SPEF2: variants seen among roughly 807,000 people sequenced by gnomAD.
SPEF2 encodes sperm flagella and cilia-associated protein 2.
In SPEF2, 187 loss-of-function variants were observed where a neutral mutation model predicts 224.6. The ratio of observed to expected loss-of-function variants is 0.83; its 90% CI spans 0.74 to 0.94. SPEF2 has a LOEUF of 0.94. Ranked by LOEUF, SPEF2 falls within the 40% of genes least tolerant of loss-of-function variation. The pLI is 0.00. For synonymous variants in SPEF2, 715 were observed against 707.3 expected (o/e 1.01, Z -0.17); for missense variants, 2,170 against 2,135.6 (o/e 1.02, Z -0.32).
Position 35,800,120 on chromosome 5 carries a change from C to A in SPEF2, c.4983C>A (p.Val1661=). The change falls in exon 34 of 37, where the codon GTC becomes GTA. Residue 1661 remains valine (V), a synonymous_variant. Transcript: ENST00000356031. The part of the protein sequence containing the change: ...VAVGTHVFQQ[V]KASIPSAEKT... ...TTGGAACTCATGTCTTCCAACAAGT[C>A]AAAGCTTCCATTCCAAGTGCAGAAA... 6.2e-7 allele frequency: 1 copy of A among 1,614,036 alleles called. No individual in the cohort carries two copies. Among genetic ancestry groups the A allele is most frequent in the South Asian group, 1.1e-5 (1 of 91,058 alleles).
chr5:35,716,754 A>G (rs1742656679), intron 20 of SPEF2, among the ~76,000 whole-genome samples: 1 of 152,172 alleles, frequency 6.6e-6, no homozygotes, highest in Non-Finnish European at 1.5e-5. Context: ...TTAATATTTC[A>G]AATTAACTCC....
chr5:35,695,434 G>A lies in SPEF2; in HGVS notation c.1976-301G>A, dbSNP rs115545687. 9.0e-3 allele frequency among the ~76,000 whole-genome samples: 1,371 copies of A among 151,928 alleles called. 17 individuals carry two copies. The highest frequency in any genetic ancestry group is 0.032 in the African/African-American group (1,328 of 41,440). On this transcript the variant is annotated intron_variant, in intron 13 of 36. Coordinates refer to ENST00000356031, the MANE Select transcript of SPEF2 (RefSeq NM_024867.4). ...GACCGTCTTCTGAAAAGCGAACCCC[G>A]ACTGTGTTAAAGTATTCCTAATGAT...
chr5:35,726,524 T>A (rs1251686734), intron 20 of SPEF2, among the ~76,000 whole-genome samples: 2 of 152,194 alleles, frequency 1.3e-5, no homozygotes, highest in Non-Finnish European at 2.9e-5. Flanking sequence ...ATACTGTTTT[T>A]AAATATATAA....
chr5:35,775,945 A>C (rs1753560919), intron 28 of SPEF2, among the ~76,000 whole-genome samples: 1 of 152,032 alleles, frequency 6.6e-6, no homozygotes, highest in Non-Finnish European at 1.5e-5. Flanking sequence ...CACGGTCCCC[A>C]CTCCCTTTTC....
In SPEF2 at chr5:35,617,953, C is replaced by G. The variant is rs865936786; in HGVS notation, c.-45C>G. 1 of 1,550,090 alleles carries G rather than the reference C, an allele frequency of 6.5e-7. No individual in the cohort carries two copies. The highest frequency in any genetic ancestry group is 1.7e-4 in the Middle Eastern group (1 of 5,986). On this transcript the variant is annotated 5_prime_UTR_variant, in exon 1 of 37. Coordinates refer to ENST00000356031, the MANE Select transcript of SPEF2 (RefSeq NM_024867.4). The stretch of plus-strand genomic sequence containing the variant: ...GCGGGCTGGCAGGCTTGGTTCCTGG[C>G]GAGTTTCTAAGCCCCCGCCTGCGGT...
intron 10 of SPEF2, chr5:35,670,703 A>G (rs930016695): frequency 5.1e-6 from 5 of 985,658 alleles, no homozygotes; most frequent in East Asian, 2.2e-4. Context: ...AATAAAAAGT[A>G]TCGGGTGCCA....
intron 7 of SPEF2, among the ~76,000 whole-genome samples, chr5:35,657,878 G>A (rs1412856328): frequency 6.6e-6 from 1 of 152,154 alleles, no homozygotes; most frequent in African/African-American, 2.4e-5. Context: ...TTGAACGCCA[G>A]GCCCTTCCCT....
intron 30 of SPEF2, among the ~76,000 whole-genome samples, chr5:35,780,969 A>T (rs760854564): frequency 3.0e-4 from 45 of 152,082 alleles, no homozygotes; most frequent in South Asian, 4.1e-4. Flanking sequence ...TTCCACTAAA[A>T]ATTTAAAAAT....
chr5:35,678,994 C>A (rs867472601), intron 10 of SPEF2, among the ~76,000 whole-genome samples: 1 of 152,138 alleles, frequency 6.6e-6, no homozygotes, highest in Non-Finnish European at 1.5e-5. Context: ...TTCCAGACTT[C>A]GTCAGGGTTT....
At chr5:35,778,482 A>G (rs1194862573) in intron 29 of SPEF2, among the ~76,000 whole-genome samples, 2 of 152,184 alleles carry the variant, frequency 1.3e-5, no homozygotes, top group Non-Finnish European at 2.9e-5. Context: ...CTACCGCATC[A>G]TAGTGGTTCC....
chr5:35,707,520 G>A (rs1342284746), intron 18 of SPEF2, among the ~76,000 whole-genome samples: 1 of 152,162 alleles, frequency 6.6e-6, no homozygotes, highest in African/African-American at 2.4e-5. Context: ...ATCTAAGGGT[G>A]GAGTAAGCAC....
At chr5:35,647,702 C>T (rs1580112781) in intron 5 of SPEF2, among the ~76,000 whole-genome samples, 1 of 152,164 alleles carries the variant, frequency 6.6e-6, no homozygotes, top group East Asian at 1.9e-4. Flanking sequence ...AGTCAAGGTA[C>T]ACATAGCATA....
chr5:35,768,743 TGC>T, intron 26 of SPEF2, among the ~76,000 whole-genome samples: 1 of 152,182 alleles, frequency 6.6e-6, no homozygotes, highest in African/African-American at 2.4e-5. Flanking sequence ...ATTTGAATAC[TGC>T]TTGACTTTGA....
intron 32 of SPEF2, among the ~76,000 whole-genome samples, chr5:35,794,791 G>A (rs1341691279): frequency 2.0e-5 from 3 of 152,174 alleles, no homozygotes; most frequent in Non-Finnish European, 4.4e-5. Context: ...TTTACCAAAG[G>A]TGTGAGTTTC....
chr5:35,638,944 G>A (rs112551310), intron 2 of SPEF2, among the ~76,000 whole-genome samples: 31 of 152,270 alleles, frequency 2.0e-4, no homozygotes, highest in African/African-American at 7.0e-4. Flanking sequence ...TGTTTCAGGT[G>A]TACCAAAGTG....
chr5:35,748,951 C>T (rs537268012), intron 23 of SPEF2, among the ~76,000 whole-genome samples: 2 of 152,042 alleles, frequency 1.3e-5, no homozygotes, highest in Non-Finnish European at 2.9e-5. Flanking sequence ...AGTAGCTAAC[C>T]AAATCCAACA....
chr5:35,694,359 G>A lies in SPEF2; in HGVS notation c.1971G>A (p.Met657Ile), dbSNP rs776995993. The change falls in exon 13 of 37, where the codon ATG becomes ATA. Residue 657 changes from methionine to isoleucine, a missense_variant. Transcript: ENST00000356031. The part of the protein sequence containing the change: ...EVLPETEGET[M>I]LSANADKTPK... ...TACCAGAAACAGAAGGTGAAACAAT[G>A]CTTAGTAAGATCTCAAAACAAATCA... The A allele has an allele frequency of 6.2e-7, 1 of 1,610,986 alleles. No homozygotes were observed. The highest frequency in any genetic ancestry group is 8.5e-7 in the Non-Finnish European group (1 of 1,178,184).
intron 1 of SPEF2, among the ~76,000 whole-genome samples, chr5:35,627,117 A>G (rs1744372278): frequency 6.6e-6 from 1 of 151,826 alleles, no homozygotes; most frequent in African/African-American, 2.4e-5. Context: ...TGATGGAAGC[A>G]GGTTGAATAT....
chr5:35,696,862 G>C (rs905633675), intron 14 of SPEF2, among the ~76,000 whole-genome samples: 5 of 152,198 alleles, frequency 3.3e-5, no homozygotes, highest in Non-Finnish European at 1.5e-5. Flanking sequence ...TAAGCAGATT[G>C]AAAGAGGTGA....
Sources: gnomAD v4.1 joint callset for allele counts (sites outside exome capture counted in the v4.1 genomes callset) on GRCh38, gnomAD v4.1.1 for gene constraint, MANE v1.5 for transcripts, NCBI Gene and HGNC (gene_info 2026-07-23, HGNC 2026-07-21) for gene names.